JPH2: variants seen among roughly 807,000 people sequenced by gnomAD.
The protein encoded by JPH2 is junctophilin 2.
Under a neutral mutation model 55.9 loss-of-function variants are expected in JPH2, and 38 were observed. The observed-to-expected ratio is 0.68, with a 90% CI of 0.52 to 0.89. The LOEUF is 0.89. Ranked by LOEUF, JPH2 falls within the 40% of genes least tolerant of loss-of-function variation. The pLI is 0.00. For synonymous variants in JPH2, 480 were observed against 472.4 expected (o/e 1.02, Z -0.21); for missense variants, 964 against 1,037.6 (o/e 0.93, Z 0.97).
At chr20:44,145,332 C>A (rs997170590) in intron 2 of JPH2, among the ~76,000 whole-genome samples, 14 of 152,130 alleles carry the variant, frequency 9.2e-5, no homozygotes, top group African/African-American at 3.4e-4. Flanking sequence ...GGACCAGGCG[C>A]GGTGGCCCAT....
At chr20:44,117,073 G>A (rs2072198313) in intron 3 of JPH2, among the ~76,000 whole-genome samples, 1 of 152,236 alleles carries the variant, frequency 6.6e-6, no homozygotes, top group African/African-American at 2.4e-5. Flanking sequence ...AAGGTCAGGA[G>A]ATCGAGACGA....
chr20:44,135,886 C>T (rs1165447094), intron 2 of JPH2, among the ~76,000 whole-genome samples: 1 of 152,168 alleles, frequency 6.6e-6, no homozygotes, highest in African/African-American at 2.4e-5. Context: ...GTGATCGTTA[C>T]TCTGTTATAG....
At chr20:44,127,568 C>T (rs1225829159) in intron 2 of JPH2, among the ~76,000 whole-genome samples, 1 of 151,958 alleles carries the variant, frequency 6.6e-6, no homozygotes, top group African/African-American at 2.4e-5. Context: ...TCACTGCAAC[C>T]TCTGCCTCCC....
intron 5 of JPH2, among the ~76,000 whole-genome samples, chr20:44,113,918 T>G (rs2145836438): frequency 6.6e-6 from 1 of 152,308 alleles, no homozygotes; most frequent in Middle Eastern, 3.4e-3. Context: ...AGGCTGGTAT[T>G]GTCATTGACT....
intron 2 of JPH2, among the ~76,000 whole-genome samples, chr20:44,149,607 A>T (rs1348630914): frequency 6.6e-6 from 1 of 151,328 alleles, no homozygotes; most frequent in African/African-American, 2.4e-5. Flanking sequence ...CTTCTTCCCC[A>T]CCTCCTTCTG....
At chr20:44,135,043 G>A (rs2072399865) in intron 2 of JPH2, among the ~76,000 whole-genome samples, 1 of 149,106 alleles carries the variant, frequency 6.7e-6, no homozygotes, top group Non-Finnish European at 1.5e-5. Flanking sequence ...GGGGGCTCAG[G>A]GAGGCTGCTA....
At chr20:44,175,633 A>G (rs1246141571) in intron 1 of JPH2, among the ~76,000 whole-genome samples, 1 of 152,184 alleles carries the variant, frequency 6.6e-6, no homozygotes, top group Non-Finnish European at 1.5e-5. Flanking sequence ...GGTGGATGAC[A>G]AGTCCCTGAG....
intron 2 of JPH2, among the ~76,000 whole-genome samples, chr20:44,138,139 C>T (rs3091672): frequency 1.5e-3 from 219 of 150,794 alleles, no homozygotes; most frequent in Non-Finnish European, 2.7e-3. Context: ...TCCTGAGTAG[C>T]GGGGATTACA....
At chr20:44,143,854 C>G (rs1266253871) in intron 2 of JPH2, among the ~76,000 whole-genome samples, 1 of 152,054 alleles carries the variant, frequency 6.6e-6, no homozygotes. Context: ...AGTGAGGGAC[C>G]CTTGCAGAGG....
rs2072137166 is a variant in JPH2 at position 44,110,861 on chromosome 20, T to C, written c.*2657A>G. ...GAAACTGAGGCACAGAAAGAGGGAG[T>C]GAGGGAGCACATGGCCCATCAGTGA... On this transcript the variant is annotated 3_prime_UTR_variant, in exon 6 of 6. Coordinates refer to ENST00000372980, the MANE Select transcript of JPH2 (RefSeq NM_020433.5). Among the ~76,000 whole-genome samples, 2 of 151,802 alleles carry C rather than the reference T, an allele frequency of 1.3e-5. No homozygotes were observed. The highest frequency in any genetic ancestry group is 6.6e-5 in the Admixed American group (1 of 15,248).
At chr20:44,123,161 A>C (rs1462432258) in intron 2 of JPH2, among the ~76,000 whole-genome samples, 1 of 152,046 alleles carries the variant, frequency 6.6e-6, no homozygotes, top group Non-Finnish European at 1.5e-5. Context: ...GTCCATCTCC[A>C]ACCACCCGGC....
chr20:44,186,353 T>C lies in JPH2; in HGVS notation c.353A>G (p.Tyr118Cys), dbSNP rs756893070. 1.2e-6 allele frequency: 2 copies of C among 1,609,128 alleles called. No individual in the cohort carries two copies. The highest frequency in any genetic ancestry group is 3.3e-5 in the Admixed American group (2 of 59,778). ...GTWNNGLQDG[Y>C]GTETYADGGT... ...TCCATCAGCATAGGTCTCGGTGCCA[T>C]AGCCGTCTTGCAGGCCATTGTTCCA... The change falls in exon 1 of 6, where the codon TAT becomes TGT. Residue 118 changes from tyrosine (Y) to cysteine (C), a missense_variant. Tyr to Cys is a radical substitution (Grantham distance 194). Coordinates refer to ENST00000372980, the MANE Select transcript of JPH2 (RefSeq NM_020433.5).
intron 2 of JPH2, among the ~76,000 whole-genome samples, chr20:44,129,561 A>AC (rs1569189082): frequency 8.2e-6 from 1 of 122,400 alleles, no homozygotes; most frequent in African/African-American, 2.9e-5. Context: ...TCAAAAAAAA[A>AC]AAAAAAAACA....
Position 44,107,522 on chromosome 20 carries a change from CTCTT to C in JPH2, c.*5992_*5995del, listed in dbSNP as rs2072115626. ...GGAAGCAAATTCCATCCTCCATACT[CTCTT>C]TCCTTTTCCTTTGGCAGATGCAGAG... is the stretch of plus-strand genomic sequence containing the variant. On this transcript the variant is annotated 3_prime_UTR_variant, in exon 6 of 6. Transcript: ENST00000372980. 6.6e-6 allele frequency among the ~76,000 whole-genome samples: 1 copy of C among 152,214 alleles called. No individual in the cohort carries two copies. The highest frequency in any genetic ancestry group is 1.5e-5 in the Non-Finnish European group (1 of 68,036).
chr20:44,174,714 C>T (rs993431171), intron 1 of JPH2, among the ~76,000 whole-genome samples: 1 of 151,888 alleles, frequency 6.6e-6, no homozygotes, highest in African/African-American at 2.4e-5. Context: ...GCGGAGGTTG[C>T]AGTAAGCCAG....
In JPH2 at chr20:44,116,224, G is replaced by C; in HGVS notation, c.1451C>G (p.Ser484Cys). ...ERETPRPEGG[S>C]PSPAGTPPQP... is the part of the protein sequence containing the mutation. ...CGGGGGCGTCCCGGCCGGTGACGGG[G>C]AGCCACCCTCGGGCCGAGGGGTCTC... Residue 484 changes from serine (S) to cysteine (C), a missense_variant, in exon 4 of 6, where the codon TCC (serine) becomes TGC (cysteine). By Grantham distance (112) the Ser-to-Cys change is moderately radical. Coordinates refer to ENST00000372980, the MANE Select transcript of JPH2 (RefSeq NM_020433.5). The C allele has an allele frequency of 7.1e-7, 1 of 1,404,280 alleles. No individual in the cohort carries two copies. The highest frequency in any genetic ancestry group is 9.2e-7 in the Non-Finnish European group (1 of 1,090,720). The allele number at this position is 1,404,280 out of a possible 1,614,324, so 87.0% of individuals were successfully genotyped here.
chr20:44,183,030 C>T (rs34254827), intron 1 of JPH2, among the ~76,000 whole-genome samples: 35,365 of 151,896 alleles, frequency 0.23, 4,675 homozygotes, highest in Non-Finnish European at 0.31. Context: ...CACATACACA[C>T]GCACACATAA....
In JPH2 at chr20:44,160,303, AC is replaced by A. The variant is rs1327439963; in HGVS notation, c.483del (p.Ser162ArgfsTer144). The stretch of plus-strand genomic sequence containing the variant: ...TGCTCGCTGCGCAGGGACGACAGCG[AC>A]GTGCGCAGCGGCGAGCGCACCACCA... ...MAVVVRSPLR[T>X]SLSSLRSEHS... is the part of the protein sequence containing the mutation. On this transcript the variant is annotated frameshift_variant, in exon 2 of 6. Coordinates refer to ENST00000372980, the MANE Select transcript of JPH2 (RefSeq NM_020433.5). LOFTEE classifies it high-confidence loss of function. The surrounding 1 kb of genome is among the most constrained non-coding windows in gnomAD (Gnocchi z 4.9). 1 of 1,550,200 alleles carries A rather than the reference AC, an allele frequency of 6.5e-7. No homozygotes were observed. The highest frequency in any genetic ancestry group is 8.7e-7 in the Non-Finnish European group (1 of 1,148,978).
intron 1 of JPH2, among the ~76,000 whole-genome samples, chr20:44,162,780 A>G (rs1600859698): frequency 1.2e-5 from 1 of 81,602 alleles, no homozygotes; most frequent in African/African-American, 4.7e-5. Flanking sequence ...ATATATATAT[A>G]TATATATACA....
Sources: allele counts gnomAD v4.1 joint callset (sites outside exome capture counted in the v4.1 genomes callset), GRCh38; gene constraint gnomAD v4.1.1; non-coding constraint Gnocchi (gnomAD v3.1); transcripts MANE v1.5; gene names NCBI Gene and HGNC (gene_info 2026-07-23, HGNC 2026-07-21).